The following MAGI2 variants were observed in gnomAD, a reference collection of about 807,000 sequenced individuals.
MAGI2 encodes the protein membrane-associated guanylate kinase, WW and PDZ domain-containing protein 2.
MAGI2 carries 35 observed loss-of-function variants against 133.3 expected under a neutral mutation model. The ratio of observed to expected loss-of-function variants is 0.26; its 90% CI spans 0.20 to 0.35. The LOEUF (loss-of-function observed/expected upper bound fraction) is 0.35, where lower values mean the gene tolerates loss of function less well. Ranked by LOEUF, MAGI2 falls within the 10% of genes least tolerant of loss-of-function variation. The probability of loss-of-function intolerance (pLI) is 1.00; values close to 1 mark genes in which losing one functional copy is unlikely to be tolerated. For synonymous variants in MAGI2, 729 were observed against 710.6 expected (o/e 1.03, Z -0.41); for missense variants, 1,636 against 1,863.4 (o/e 0.88, Z 2.25).
chr7:79,264,452 A>C (rs1361946316), intron 1 of MAGI2, among the ~76,000 whole-genome samples: 3 of 152,094 alleles, frequency 2.0e-5, no homozygotes, highest in Non-Finnish European at 4.4e-5. Flanking sequence ...CTTTTTAGAG[A>C]CCAATATTTG....
intron 1 of MAGI2, among the ~76,000 whole-genome samples, chr7:79,323,048 T>C (rs1342309134): frequency 1.3e-5 from 2 of 152,002 alleles, no homozygotes; most frequent in Admixed American, 1.3e-4. Context: ...ATGTTGTACA[T>C]GCTAGTCTCA....
chr7:79,204,130 AC>A (rs1289580139), intron 1 of MAGI2, among the ~76,000 whole-genome samples: 14 of 152,072 alleles, frequency 9.2e-5, no homozygotes, highest in Admixed American at 9.2e-4. Flanking sequence ...TACCTTGGAT[AC>A]TAACATTGGG....
intron 1 of MAGI2, chr7:79,125,170 G>A (rs755950446): frequency 1.2e-5 from 4 of 341,328 alleles, no homozygotes; most frequent in Non-Finnish European, 2.3e-5. Context: ...TAAGAAAAGG[G>A]GCTTTGGTTT....
chr7:78,176,002 T>C (rs1584268868), intron 14 of MAGI2, among the ~76,000 whole-genome samples: 1 of 152,092 alleles, frequency 6.6e-6, no homozygotes, highest in Non-Finnish European at 1.5e-5. Flanking sequence ...GACTTGAGAA[T>C]GTTTTCAGTT....
At chr7:78,816,215 T>A (rs1789573277) in intron 2 of MAGI2, among the ~76,000 whole-genome samples, 1 of 152,190 alleles carries the variant, frequency 6.6e-6, no homozygotes, top group Admixed American at 6.5e-5. Flanking sequence ...TCTTCAATTC[T>A]ATGAAGGTTA....
intron 2 of MAGI2, among the ~76,000 whole-genome samples, chr7:78,924,699 G>GC (rs1228320285): frequency 3.9e-5 from 6 of 152,014 alleles, no homozygotes; most frequent in African/African-American, 1.4e-4. Context: ...TCAGGATGAT[G>GC]CTGGCCTCAT....
intron 2 of MAGI2, among the ~76,000 whole-genome samples, chr7:78,997,046 T>C (rs1806371963): frequency 6.6e-6 from 1 of 152,082 alleles, no homozygotes; most frequent in South Asian, 2.1e-4. Flanking sequence ...AGGACAAATA[T>C]ACATAGGTTG....
At chr7:78,805,914 T>A (rs1788538049) in intron 2 of MAGI2, among the ~76,000 whole-genome samples, 1 of 152,134 alleles carries the variant, frequency 6.6e-6, no homozygotes, top group Non-Finnish European at 1.5e-5. Flanking sequence ...GCAAACATCT[T>A]CCCTACAACC....
intron 1 of MAGI2, among the ~76,000 whole-genome samples, chr7:79,110,013 C>G (rs576225862): frequency 6.6e-6 from 1 of 152,298 alleles, no homozygotes; most frequent in East Asian, 1.9e-4. Flanking sequence ...AGTCTTGGCT[C>G]AAAGGGCTCC....
At chr7:78,381,606 GA>G (rs1303333633) in intron 6 of MAGI2, among the ~76,000 whole-genome samples, 1 of 152,012 alleles carries the variant, frequency 6.6e-6, no homozygotes, top group Non-Finnish European at 1.5e-5. Flanking sequence ...AAATGGAAGG[GA>G]AAAAAACCTA....
chr7:79,038,175 T>C (rs1811293734), intron 1 of MAGI2, among the ~76,000 whole-genome samples: 1 of 152,180 alleles, frequency 6.6e-6, no homozygotes, highest in Non-Finnish European at 1.5e-5. Context: ...CTGGCATATT[T>C]TTATAAAGAG....
rs1177368173 is a variant in MAGI2 at position 79,019,785 on chromosome 7, T to C, written c.302-12579A>G. Among the ~76,000 whole-genome samples the C allele has an allele frequency of 3.3e-5, 5 of 152,288 alleles. No individual in the cohort carries two copies. In the East Asian group the frequency reaches 5.8e-4, roughly 18 times the overall value. ...GTCTCGAACTCCTGACCTCAGGTGA[T>C]CCACCTGCCTTGTCCTCCCAAAGTT... On this transcript the variant is annotated intron_variant, in intron 1 of 21. Coordinates refer to ENST00000354212, the MANE Select transcript of MAGI2 (RefSeq NM_012301.4).
intron 2 of MAGI2, among the ~76,000 whole-genome samples, chr7:78,875,901 G>A (rs1045704531): frequency 6.6e-6 from 1 of 152,086 alleles, no homozygotes; most frequent in African/African-American, 2.4e-5. Context: ...TACAACAAAA[G>A]TCATTAGAAT....
intron 6 of MAGI2, among the ~76,000 whole-genome samples, chr7:78,454,119 T>C (rs1163095955): frequency 1.3e-5 from 2 of 152,186 alleles, no homozygotes; most frequent in African/African-American, 4.8e-5. Flanking sequence ...CTGACCTGTC[T>C]ACCATTCTCT....
chr7:78,815,031 T>C (rs1789440323), intron 2 of MAGI2, among the ~76,000 whole-genome samples: 1 of 152,184 alleles, frequency 6.6e-6, no homozygotes, highest in Non-Finnish European at 1.5e-5. Context: ...CCCAGCCTGA[T>C]TTTCTATCAT....
At chr7:79,037,487 G>A (rs935337450) in intron 1 of MAGI2, among the ~76,000 whole-genome samples, 2 of 152,076 alleles carry the variant, frequency 1.3e-5, no homozygotes, top group African/African-American at 4.8e-5. Flanking sequence ...TGGGCTTCAT[G>A]TGCCACCATT....
intron 6 of MAGI2, among the ~76,000 whole-genome samples, chr7:78,450,027 A>G (rs1263828532): frequency 6.6e-6 from 1 of 152,072 alleles, no homozygotes; most frequent in Non-Finnish European, 1.5e-5. Flanking sequence ...AACATATTTG[A>G]TTCATTCAGG....
At chr7:78,152,829 T>G (rs948348816) in intron 16 of MAGI2, among the ~76,000 whole-genome samples, 15 of 152,194 alleles carry the variant, frequency 9.9e-5, no homozygotes, top group African/African-American at 3.4e-4. Context: ...CTGTGCCTCC[T>G]GAGTGAGCCA....
At position 78,263,122 on chromosome 7, in the gene MAGI2, C is replaced by A. The variant is rs145164105; in HGVS notation, c.1409-6541G>T. Among the ~76,000 whole-genome samples the A allele has an allele frequency of 1.9e-4, 29 of 152,276 alleles. No homozygotes were observed. In the East Asian group the frequency reaches 5.2e-3, roughly 27 times the overall value. On this transcript the variant is annotated intron_variant, in intron 9 of 21. Transcript: ENST00000354212. ...GTGTTAACTCAGTTAGGGTTACAGT[C>A]TCTAGCTGCATTCATGTTGCTGTAA...
Sources: allele counts gnomAD v4.1 joint callset (sites outside exome capture counted in the v4.1 genomes callset), GRCh38; gene constraint gnomAD v4.1.1; transcripts MANE v1.5; gene names NCBI Gene and HGNC (gene_info 2026-07-23, HGNC 2026-07-21).